The following LRRC4C variants were observed in gnomAD, a reference collection of about 807,000 sequenced individuals.
LRRC4C encodes the protein leucine rich repeat containing 4C.
LRRC4C carries 5 observed loss-of-function variants against 33.6 expected under a neutral mutation model. That is an observed-to-expected ratio of 0.15 (90% CI 0.08 to 0.31). The LOEUF is 0.31. Among genes scored for constraint, LRRC4C ranks in the 10% least tolerant of loss-of-function variants. The pLI, the probability that LRRC4C is intolerant of heterozygous loss-of-function variation, is 1.00. For synonymous variants in LRRC4C, 329 were observed against 302.0 expected (o/e 1.09, Z -0.93); for missense variants, 560 against 796.7 (o/e 0.70, Z 3.58).
At chr11:41,406,695 C>T (rs1954248442) in intron 1 of LRRC4C, among the ~76,000 whole-genome samples, 1 of 135,072 alleles carries the variant, frequency 7.4e-6, no homozygotes, top group Admixed American at 8.0e-5. Context: ...TTCCTCTCCC[C>T]TACACATTCA....
intron 3 of LRRC4C, among the ~76,000 whole-genome samples, chr11:40,410,757 G>A (rs550347485): frequency 2.0e-5 from 3 of 152,226 alleles, no homozygotes; most frequent in Non-Finnish European, 2.9e-5. Context: ...AATTTTGAAC[G>A]GAATCCAGTA....
chr11:40,691,193 T>TA (rs955611144), intron 2 of LRRC4C, among the ~76,000 whole-genome samples: 3 of 151,470 alleles, frequency 2.0e-5, no homozygotes, highest in African/African-American at 4.9e-5. Flanking sequence ...ATAAACTTGA[T>TA]AAAAAACAAA....
chr11:41,152,715 G>A (rs1168103746), intron 1 of LRRC4C, among the ~76,000 whole-genome samples: 2 of 152,054 alleles, frequency 1.3e-5, no homozygotes, highest in East Asian at 1.9e-4. Flanking sequence ...TCTAATGAAC[G>A]CCTAGAGTGC....
At chr11:40,943,507 A>G (rs990034067) in intron 1 of LRRC4C, among the ~76,000 whole-genome samples, 1 of 152,216 alleles carries the variant, frequency 6.6e-6, no homozygotes, top group Non-Finnish European at 1.5e-5. Flanking sequence ...TATTACTAGT[A>G]TACTTTAAAG....
chr11:40,709,413 C>T (rs923805207), intron 2 of LRRC4C, among the ~76,000 whole-genome samples: 3 of 152,142 alleles, frequency 2.0e-5, no homozygotes, highest in African/African-American at 7.2e-5. Context: ...GTGACAAAAT[C>T]TCTCAGCATC....
At chr11:41,271,802 T>C (rs1199644625) in intron 1 of LRRC4C, among the ~76,000 whole-genome samples, 2 of 152,112 alleles carry the variant, frequency 1.3e-5, no homozygotes, top group African/African-American at 4.8e-5. Context: ...TGTTTGTTTA[T>C]TGAATGAAAG....
At position 40,517,747 on chromosome 11, in the gene LRRC4C, A is replaced by G. The variant is rs1299883349; in HGVS notation, c.-270+130395T>C. ...ACTTTCTTCACAGAATTGGGGGGAAAAAAAAAAAACTACTTTAAACTTCAT... is the reference window on the plus strand; with the variant it reads ...ACTTTCTTCACAGAATTGGGGGGAAGAAAAAAAAACTACTTTAAACTTCAT... On this transcript the variant is annotated intron_variant, in intron 3 of 6. Transcript: ENST00000528697. 1.2e-4 allele frequency among the ~76,000 whole-genome samples: 18 copies of G among 146,094 alleles called. 1 individual carries two copies. Among genetic ancestry groups the G allele is most frequent in the South Asian group, 2.2e-4 (1 of 4,592 alleles).
chr11:40,878,907 G>A (rs2136002853), intron 2 of LRRC4C, among the ~76,000 whole-genome samples: 1 of 152,306 alleles, frequency 6.6e-6, no homozygotes, highest in East Asian at 1.9e-4. Flanking sequence ...AATCTTGGAA[G>A]GAAGGAATCA....
chr11:41,106,908 G>C (rs1565389427), intron 1 of LRRC4C, among the ~76,000 whole-genome samples: 1 of 152,002 alleles, frequency 6.6e-6, no homozygotes, highest in Admixed American at 6.6e-5. Flanking sequence ...AGCTACTTGG[G>C]AGGGTGGGGC....
chr11:40,565,116 A>C (rs1957702754), intron 3 of LRRC4C, among the ~76,000 whole-genome samples: 7 of 152,152 alleles, frequency 4.6e-5, no homozygotes, highest in Admixed American at 4.6e-4. Context: ...TCTGAAATTA[A>C]ACTGCAGTGA....
At chr11:41,144,291 T>G (rs1943638009) in intron 1 of LRRC4C, among the ~76,000 whole-genome samples, 1 of 152,120 alleles carries the variant, frequency 6.6e-6, no homozygotes, top group Admixed American at 6.6e-5. Context: ...TGAGTGACCA[T>G]TGAAATGTGA....
At chr11:40,490,513 G>A (rs1432395909) in intron 3 of LRRC4C, among the ~76,000 whole-genome samples, 3 of 152,074 alleles carry the variant, frequency 2.0e-5, no homozygotes. Flanking sequence ...GCTAATAGGA[G>A]AGACTTTTAA....
chr11:40,563,148 G>C (rs980693752), intron 3 of LRRC4C, among the ~76,000 whole-genome samples: 31 of 152,104 alleles, frequency 2.0e-4, no homozygotes, highest in African/African-American at 6.5e-4. Flanking sequence ...AGTATGTAAT[G>C]AGATAAGGTT....
chr11:41,348,711 A>G (rs1479776690), intron 1 of LRRC4C, among the ~76,000 whole-genome samples: 1 of 151,996 alleles, frequency 6.6e-6, no homozygotes, highest in African/African-American at 2.4e-5. Context: ...AAAGCTGGAA[A>G]CTCTGCACAA....
chr11:40,739,007 TTGTGTGTG>T (rs72411974), intron 2 of LRRC4C, among the ~76,000 whole-genome samples: 2 of 149,082 alleles, frequency 1.3e-5, no homozygotes, highest in East Asian at 2.0e-4. Context: ...ATAATTGCTA[TTGTGTGTG>T]TGTGTGTGTG....
At chr11:40,685,273 G>A (rs1442417510) in intron 2 of LRRC4C, among the ~76,000 whole-genome samples, 1 of 151,942 alleles carries the variant, frequency 6.6e-6, no homozygotes, top group East Asian at 1.9e-4. Context: ...TCTATGTTAT[G>A]TATCTCCATA....
chr11:40,665,341 T>TATATAC (rs1943726616), intron 2 of LRRC4C, among the ~76,000 whole-genome samples: 2 of 12,882 alleles, frequency 1.6e-4, no homozygotes, highest in African/African-American at 4.5e-4. Context: ...TATATATATA[T>TATATAC]ATATATATAT....
chr11:41,211,486 C>G (rs1946820005), intron 1 of LRRC4C, among the ~76,000 whole-genome samples: 1 of 152,088 alleles, frequency 6.6e-6, no homozygotes. Flanking sequence ...CCCTGCCCCC[C>G]ATCCCACAAC....
At chr11:41,026,009 A>G (rs61876991) in intron 1 of LRRC4C, among the ~76,000 whole-genome samples, 3,948 of 151,794 alleles carry the variant, frequency 0.026, 48 homozygotes, top group Middle Eastern at 0.044. Context: ...CTGGTAGGAG[A>G]TATACAAAGA....
Sources: gnomAD v4.1 joint callset for allele counts (sites outside exome capture counted in the v4.1 genomes callset) on GRCh38, gnomAD v4.1.1 for gene constraint, MANE v1.5 for transcripts, NCBI Gene and HGNC (gene_info 2026-07-23, HGNC 2026-07-21) for gene names.